The following DPYSL3 variants were observed in gnomAD, a reference collection of about 807,000 sequenced individuals.
The protein encoded by DPYSL3 is dihydropyrimidinase-related protein 3.
DPYSL3 carries 16 observed loss-of-function variants against 66.1 expected under a neutral mutation model. The observed-to-expected ratio is 0.24, with a 90% CI of 0.16 to 0.37. DPYSL3 has a LOEUF of 0.37. Ranked by LOEUF, DPYSL3 falls within the 10% of genes least tolerant of loss-of-function variation. The probability of loss-of-function intolerance (pLI) is 1.00; values close to 1 mark genes in which losing one functional copy is unlikely to be tolerated. For missense variants in DPYSL3, 738 were observed against 916.2 expected (o/e 0.81, Z 2.51); for synonymous variants, 338 against 345.1 (o/e 0.98, Z 0.23).
rs1276559707 is a variant in DPYSL3, at chr5:147,396,879, A to AG, written c.1803+786_1803+787insC. 3.3e-5 allele frequency among the ~76,000 whole-genome samples: 5 copies of AG among 149,576 alleles called. No individual in the cohort carries two copies. In the Admixed American group the frequency reaches 3.3e-4, roughly 10 times the overall value. On this transcript the variant is annotated intron_variant, in intron 12 of 13. Transcript: ENST00000343218. Reference sequence around the variant, plus strand: ...TGTATATGTGTGTATATATATATATATATATAGTGTGTGTATAGAAAGTAT... The same window carrying AG: ...TGTATATGTGTGTATATATATATATAGTATATAGTGTGTGTATAGAAAGTAT...
chr5:147,441,604 T>C (rs1752534113), intron 1 of DPYSL3, among the ~76,000 whole-genome samples: 1 of 152,198 alleles, frequency 6.6e-6, no homozygotes, highest in Admixed American at 6.5e-5. Context: ...AGAAAAGCAC[T>C]ATAACTTCTC....
At chr5:147,503,136 A>T (rs1173098651) in intron 1 of DPYSL3, among the ~76,000 whole-genome samples, 1 of 152,236 alleles carries the variant, frequency 6.6e-6, no homozygotes, top group African/African-American at 2.4e-5. Context: ...CTAAGTTGTT[A>T]GAACCACTGA....
chr5:147,455,969 T>G (rs1358558429), intron 1 of DPYSL3, among the ~76,000 whole-genome samples: 1 of 152,066 alleles, frequency 6.6e-6, no homozygotes, highest in African/African-American at 2.4e-5. Context: ...TAAGCTTTTT[T>G]GAGGTCAGGT....
intron 1 of DPYSL3, among the ~76,000 whole-genome samples, chr5:147,425,682 A>G (rs1014600142): frequency 6.6e-6 from 1 of 152,206 alleles, no homozygotes; most frequent in African/African-American, 2.4e-5. Flanking sequence ...TTTAAAAACT[A>G]TAACTTAGAT....
At chr5:147,441,351 TG>T (rs1180384673) in intron 1 of DPYSL3, among the ~76,000 whole-genome samples, 1 of 151,712 alleles carries the variant, frequency 6.6e-6, no homozygotes, top group East Asian at 1.9e-4. Flanking sequence ...CCCTAATCCT[TG>T]TGTCCTCACA....
intron 1 of DPYSL3, among the ~76,000 whole-genome samples, chr5:147,480,049 T>G (rs1270495130): frequency 1.3e-5 from 2 of 152,158 alleles, no homozygotes; most frequent in African/African-American, 2.4e-5. Flanking sequence ...GATTTCTACT[T>G]GGCTACTACT....
chr5:147,423,565 G>C (rs1336520657), intron 2 of DPYSL3, among the ~76,000 whole-genome samples: 1 of 150,604 alleles, frequency 6.6e-6, no homozygotes, highest in Non-Finnish European at 1.5e-5. Context: ...AATTTTTTGT[G>C]CTAAGTCCTG....
intron 1 of DPYSL3, among the ~76,000 whole-genome samples, chr5:147,461,991 T>C (rs1235268934): frequency 6.6e-6 from 1 of 152,130 alleles, no homozygotes; most frequent in Non-Finnish European, 1.5e-5. Context: ...CCTAAGGGAA[T>C]GGCAGAGGTT....
intron 1 of DPYSL3, among the ~76,000 whole-genome samples, chr5:147,498,597 T>A (rs1043349017): frequency 6.6e-6 from 1 of 152,084 alleles, no homozygotes; most frequent in Non-Finnish European, 1.5e-5. Context: ...CTCACCAATG[T>A]CTATTATTTT....
intron 1 of DPYSL3, among the ~76,000 whole-genome samples, chr5:147,495,406 G>T (rs1753485144): frequency 6.6e-6 from 1 of 152,156 alleles, no homozygotes; most frequent in African/African-American, 2.4e-5. Context: ...AGGGCAATTA[G>T]GCAGGAGAAG....
chr5:147,464,577 A>G (rs1055970182), intron 1 of DPYSL3, among the ~76,000 whole-genome samples: 2 of 152,194 alleles, frequency 1.3e-5, no homozygotes, highest in African/African-American at 2.4e-5. Flanking sequence ...AAGAGTATGT[A>G]TAGTACCTTT....
chr5:147,422,008 C>T (rs1398947164), intron 2 of DPYSL3, among the ~76,000 whole-genome samples: 2 of 152,034 alleles, frequency 1.3e-5, no homozygotes, highest in African/African-American at 4.8e-5. Flanking sequence ...AATAGACAAA[C>T]AGGATCTAAT....
chr5:147,428,611 T>C (rs921258010), intron 1 of DPYSL3, among the ~76,000 whole-genome samples: 1 of 152,038 alleles, frequency 6.6e-6, no homozygotes, highest in African/African-American at 2.4e-5. Flanking sequence ...CATGCTAAGA[T>C]CAAAAGCCAA....
At chr5:147,426,646 C>G (rs1252836984) in intron 1 of DPYSL3, among the ~76,000 whole-genome samples, 1 of 152,040 alleles carries the variant, frequency 6.6e-6, no homozygotes, top group East Asian at 1.9e-4. Context: ...TTCTGTAGCC[C>G]CTGTTTGAGA....
In DPYSL3 at chr5:147,393,239, C is replaced by A. The variant is rs1171018713; in HGVS notation, c.*796G>T. On this transcript the variant is annotated 3_prime_UTR_variant, in exon 14 of 14. Transcript: ENST00000343218. ...AAGAGCACCAAAGAGGCAGGGAGGG[C>A]AAGAGGAAGAGAAGTGTCATTTGCT... 2 of 152,222 alleles carry A rather than the reference C, an allele frequency of 1.3e-5. No homozygotes were observed. The highest frequency in any genetic ancestry group is 1.3e-4 in the Admixed American group (2 of 15,264). 9.4% of individuals were successfully genotyped at this position (152,222 alleles called of 1,614,324 possible). A position where few individuals can be genotyped will look rare whatever the true frequency, so the allele number is the denominator to read the frequency against.
At position 147,418,650 on chromosome 5, in the gene DPYSL3, A is replaced by G. The variant is rs749751558; in HGVS notation, c.471-19T>C. On this transcript the variant is annotated intron_variant, in intron 2 of 13. Transcript: ENST00000343218. Reference sequence around the variant, plus strand: ...AATTTGTCTGGTGAAACAAACAAACAAAAAAATGATCAAACACTTGGTCAT... The same window carrying G: ...AATTTGTCTGGTGAAACAAACAAACGAAAAAATGATCAAACACTTGGTCAT... 5.1e-6 allele frequency: 8 copies of G among 1,555,946 alleles called. No homozygotes were observed. The highest frequency in any genetic ancestry group is 1.4e-5 in the African/African-American group (1 of 73,296).
At chr5:147,497,080 A>G (rs2126454501) in intron 1 of DPYSL3, among the ~76,000 whole-genome samples, 1 of 152,310 alleles carries the variant, frequency 6.6e-6, no homozygotes, top group Admixed American at 6.5e-5. Context: ...ATAAAAAATG[A>G]TGAGTTCATG....
intron 4 of DPYSL3, 55 bp from the exon 5 acceptor site, chr5:147,413,712 T>C (rs1751901571): frequency 1.4e-6 from 2 of 1,440,372 alleles, no homozygotes; most frequent in African/African-American, 2.8e-5. Context: ...ATCATGACTG[T>C]CCTCCATCCT....
chr5:147,497,401 A>G (rs554098496), intron 1 of DPYSL3, among the ~76,000 whole-genome samples: 1 of 152,138 alleles, frequency 6.6e-6, no homozygotes, highest in Non-Finnish European at 1.5e-5. Context: ...AAAGTATAAT[A>G]ATAATAAAAT....
Sources: allele counts gnomAD v4.1 joint callset (sites outside exome capture counted in the v4.1 genomes callset), GRCh38; gene constraint gnomAD v4.1.1; transcripts MANE v1.5; gene names NCBI Gene and HGNC (gene_info 2026-07-23, HGNC 2026-07-21).